The following SORCS1 variants were observed in gnomAD, a reference collection of about 807,000 sequenced individuals.
The protein encoded by SORCS1 is VPS10 domain-containing receptor SorCS1.
A neutral mutation model predicts 146.1 loss-of-function variants in SORCS1; 60 were observed. The ratio of observed to expected loss-of-function variants is 0.41; its 90% CI spans 0.33 to 0.51. The LOEUF (loss-of-function observed/expected upper bound fraction) is 0.51. Among genes scored for constraint, SORCS1 ranks in the 20% least tolerant of loss-of-function variants. SORCS1 has a pLI of 0.21. For missense variants in SORCS1, 1,352 were observed against 1,487.6 expected, an observed-to-expected ratio of 0.91 and a Z score of 1.50; for synonymous variants, 637 against 584.0, an observed-to-expected ratio of 1.09 and a Z score of -1.31.
chr10:106,892,550 C>T (rs1050004851), intron 2 of SORCS1, among the ~76,000 whole-genome samples: 5 of 152,178 alleles, frequency 3.3e-5, no homozygotes, highest in African/African-American at 1.2e-4. Flanking sequence ...TATGTTGGGA[C>T]TTTATCAAGA....
intron 2 of SORCS1, among the ~76,000 whole-genome samples, chr10:106,905,173 A>C (rs1240320410): frequency 1.3e-5 from 2 of 152,156 alleles, no homozygotes; most frequent in Non-Finnish European, 2.9e-5. Context: ...GGAAAAATAA[A>C]AGAAAAATAC....
At chr10:106,861,234 C>A (rs1177553671) in intron 2 of SORCS1, among the ~76,000 whole-genome samples, 1 of 151,754 alleles carries the variant, frequency 6.6e-6, no homozygotes, top group Non-Finnish European at 1.5e-5. Flanking sequence ...CTTGTCTCTA[C>A]TAAAATACAA....
chr10:106,659,825 T>A (rs1166562754), intron 17 of SORCS1, among the ~76,000 whole-genome samples: 2 of 152,180 alleles, frequency 1.3e-5, no homozygotes, highest in Non-Finnish European at 2.9e-5. Flanking sequence ...TTTCCTTCAT[T>A]TCCCAACCCC....
intron 4 of SORCS1, 105 bp from the exon 5 acceptor site, chr10:106,761,766 C>A: frequency 1.1e-6 from 1 of 938,860 alleles, no homozygotes; most frequent in South Asian, 1.4e-5. Flanking sequence ...CCAACATTTA[C>A]TGAACACCTG....
chr10:106,851,248 T>C (rs1396093827), intron 2 of SORCS1, among the ~76,000 whole-genome samples: 1 of 152,238 alleles, frequency 6.6e-6, no homozygotes, highest in Non-Finnish European at 1.5e-5. Flanking sequence ...ACTTTGGTCT[T>C]GTATGTAAAA....
At chr10:106,921,567 A>T (rs1364142169) in intron 2 of SORCS1, among the ~76,000 whole-genome samples, 3 of 152,226 alleles carry the variant, frequency 2.0e-5, no homozygotes, top group Non-Finnish European at 4.4e-5. Flanking sequence ...TCATTTAATA[A>T]CAAATGTTAT....
chr10:106,796,231 C>T (rs1180695612), intron 3 of SORCS1, among the ~76,000 whole-genome samples: 1 of 152,152 alleles, frequency 6.6e-6, no homozygotes, highest in African/African-American at 2.4e-5. Flanking sequence ...AGAATTTCTA[C>T]ATTTACATGT....
intron 5 of SORCS1, among the ~76,000 whole-genome samples, chr10:106,740,282 G>A (rs1004371018): frequency 5.9e-5 from 9 of 152,144 alleles, no homozygotes; most frequent in Non-Finnish European, 1.2e-4. Flanking sequence ...GTGGGTGCAG[G>A]TAAGTCACCA....
chr10:106,722,945 C>T (rs149925068), intron 6 of SORCS1, among the ~76,000 whole-genome samples: 3 of 152,176 alleles, frequency 2.0e-5, no homozygotes, highest in East Asian at 3.9e-4. Context: ...TCTGTTAGTG[C>T]TCCAGGACTC....
intron 2 of SORCS1, among the ~76,000 whole-genome samples, chr10:106,855,433 C>T (rs1042920778): frequency 3.9e-5 from 6 of 152,118 alleles, no homozygotes; most frequent in East Asian, 1.9e-4. Flanking sequence ...AGGTTTGGTA[C>T]ATTATTTTGC....
chr10:106,948,712 C>T (rs1217650931), intron 2 of SORCS1, among the ~76,000 whole-genome samples: 2 of 151,838 alleles, frequency 1.3e-5, no homozygotes, highest in Non-Finnish European at 2.9e-5. Flanking sequence ...GTAATCCCAG[C>T]ACTTTGGGAG....
chr10:106,982,983 A>G (rs1187678366), intron 1 of SORCS1, among the ~76,000 whole-genome samples: 1 of 151,996 alleles, frequency 6.6e-6, no homozygotes, highest in Admixed American at 6.6e-5. Flanking sequence ...CAGAGATTTA[A>G]TAACTGTTGA....
chr10:107,092,348 G>T (rs1964242312), intron 1 of SORCS1, among the ~76,000 whole-genome samples: 1 of 152,324 alleles, frequency 6.6e-6, no homozygotes, highest in African/African-American at 2.4e-5. Flanking sequence ...TGAGAGACAA[G>T]AATTCTTCAG....
At chr10:106,818,523 G>C (rs1485567148) in intron 3 of SORCS1, among the ~76,000 whole-genome samples, 1 of 152,006 alleles carries the variant, frequency 6.6e-6, no homozygotes, top group African/African-American at 2.4e-5. Flanking sequence ...GCACCACCAG[G>C]CCCAGCAAAT....
intron 3 of SORCS1, among the ~76,000 whole-genome samples, chr10:106,827,694 G>C (rs147956591): frequency 5.0e-4 from 76 of 152,332 alleles, no homozygotes; most frequent in African/African-American, 1.8e-3. Context: ...GCATACAGCA[G>C]ATCAAAATTG....
chr10:107,162,402 T>C (rs1249089140), intron 1 of SORCS1, among the ~76,000 whole-genome samples: 2 of 152,226 alleles, frequency 1.3e-5, no homozygotes, highest in Non-Finnish European at 2.9e-5. Context: ...AAGATTCGAG[T>C]TCAAATTAGA....
At chr10:106,903,907 AT>A (rs1951815901) in intron 2 of SORCS1, among the ~76,000 whole-genome samples, 1 of 152,204 alleles carries the variant, frequency 6.6e-6, no homozygotes, top group Non-Finnish European at 1.5e-5. Flanking sequence ...GAAACAAATG[AT>A]GGGTTGCATC....
intron 1 of SORCS1, among the ~76,000 whole-genome samples, chr10:107,089,991 A>G (rs1388407881): frequency 2.0e-5 from 3 of 152,152 alleles, no homozygotes; most frequent in East Asian, 3.9e-4. Flanking sequence ...TGATCCATCG[A>G]CCCACCAAAT....
At chr10:106,684,773 T>C (rs138267247) in intron 10 of SORCS1, among the ~76,000 whole-genome samples, 55 of 152,318 alleles carry the variant, frequency 3.6e-4, no homozygotes, top group African/African-American at 1.3e-3. Flanking sequence ...ACTTTCCAAG[T>C]ACTCACAATC....
Sources: allele counts gnomAD v4.1 joint callset (sites outside exome capture counted in the v4.1 genomes callset), GRCh38; gene constraint gnomAD v4.1.1; transcripts MANE v1.5; gene names NCBI Gene and HGNC (gene_info 2026-07-23, HGNC 2026-07-21).